Variants in TIAM1 observed in about 807,000 individuals in gnomAD.
TIAM1 encodes rho guanine nucleotide exchange factor TIAM1.
TIAM1 carries 65 observed loss-of-function variants against 163.5 expected under a neutral mutation model. The ratio of observed to expected loss-of-function variants is 0.40; its 90% CI spans 0.33 to 0.49. The LOEUF (loss-of-function observed/expected upper bound fraction) is 0.49. TIAM1 is among the 20% of genes least tolerant of loss of function. The pLI, the probability that TIAM1 is intolerant of heterozygous loss-of-function variation, is 0.77. For synonymous variants in TIAM1, 833 were observed against 810.1 expected, an observed-to-expected ratio of 1.03 and a Z score of -0.48; for missense variants, 1,789 against 2,044.7, an observed-to-expected ratio of 0.87 and a Z score of 2.41.
At chr21:31,255,134 C>A (rs2072024919) in intron 4 of TIAM1, among the ~76,000 whole-genome samples, 1 of 152,190 alleles carries the variant, frequency 6.6e-6, no homozygotes, top group South Asian at 2.1e-4. Context: ...AGTGATTACT[C>A]CAGGTAAAAG....
intron 1 of TIAM1, among the ~76,000 whole-genome samples, chr21:31,342,951 A>G (rs1193192501): frequency 2.6e-5 from 4 of 152,196 alleles, no homozygotes; most frequent in East Asian, 3.8e-4. Flanking sequence ...GAGTCTGCCA[A>G]TTCCGCTTCG....
intron 16 of TIAM1, among the ~76,000 whole-genome samples, chr21:31,155,728 T>TCTC (rs1441923204): frequency 7.2e-5 from 11 of 152,168 alleles, no homozygotes; most frequent in South Asian, 2.1e-4. Flanking sequence ...ATGGTCTCAA[T>TCTC]CTGACCTTGT....
intron 2 of TIAM1, among the ~76,000 whole-genome samples, chr21:31,398,069 C>A (rs2077102646): frequency 6.6e-6 from 1 of 151,414 alleles, no homozygotes; most frequent in South Asian, 2.1e-4. Flanking sequence ...CCCCTACAAC[C>A]TCCCCCAACC....
chr21:31,194,088 G>C (rs1363927997), intron 13 of TIAM1, among the ~76,000 whole-genome samples: 2 of 151,922 alleles, frequency 1.3e-5, no homozygotes, highest in African/African-American at 2.4e-5. Flanking sequence ...AGACCCACTC[G>C]GGCACCCCTC....
At chr21:31,293,145 G>A (rs1264175936) in intron 2 of TIAM1, among the ~76,000 whole-genome samples, 5 of 152,042 alleles carry the variant, frequency 3.3e-5, no homozygotes, top group Non-Finnish European at 7.3e-5. Flanking sequence ...TAAAGAATTG[G>A]CTCATGCATT....
rs75483199 is a variant in TIAM1, at chr21:31,154,350, T to A, written c.3068A>T (p.Asp1023Val). Residue 1023 changes from aspartate (D) to valine (V), a missense_variant, in exon 17 of 28, where the codon GAC (aspartate) becomes GTC (valine). Physicochemically the swap from Asp to Val is radical, Grantham distance 152 (BLOSUM62 -3). Transcript: ENST00000541036. ...GGTCGCCAGCTGAGGCCCCGTGGAG[T>A]CCTGAGGAGATGGGCTCTGGTCAGA... ...NPSDQSPSPQ[D>V]STGPQLATMR... The A allele has an allele frequency of 0.019, 30,875 of 1,613,688 alleles. 390 individuals are homozygous for A. Among genetic ancestry groups the A allele is most frequent in the Non-Finnish European group, 0.022 (26,381 of 1,179,932 alleles).
rs1488012138 is a variant in TIAM1 at position 31,251,920 on chromosome 21, C to T, written c.1233G>A (p.Glu411=). 2 of 1,613,836 alleles carry T rather than the reference C, an allele frequency of 1.2e-6. No individual in the cohort carries two copies. The highest frequency in any genetic ancestry group is 1.7e-6 in the Non-Finnish European group (2 of 1,179,914). The change falls in exon 5 of 28, where the codon GAG becomes GAA. Residue 411 remains glutamate, a synonymous_variant. Transcript: ENST00000541036. ...LEEAGSAHSD[E]QSSGTLSSPG... Reference sequence around the variant, plus strand: ...GAGAGCTCAGGGTGCCGCTGCTCTGCTCATCGCTGTGCGCCGAGCCGGCCT... The same window carrying T: ...GAGAGCTCAGGGTGCCGCTGCTCTGTTCATCGCTGTGCGCCGAGCCGGCCT...
chr21:31,494,791 C>T (rs942395458), intron 1 of TIAM1, among the ~76,000 whole-genome samples: 3 of 152,172 alleles, frequency 2.0e-5, no homozygotes, highest in African/African-American at 4.8e-5. Flanking sequence ...TGCAATAAGC[C>T]GAGATCGCAC....
chr21:31,172,884 A>G (rs2084583609), intron 15 of TIAM1, among the ~76,000 whole-genome samples: 2 of 152,190 alleles, frequency 1.3e-5, no homozygotes, highest in Admixed American at 1.3e-4. Flanking sequence ...AAGTAAGAAA[A>G]AAAAAAACTG....
chr21:31,507,179 ATTTTTTTTTTTTTTTTTTTTTTTT>A (rs572356384), intron 1 of TIAM1, among the ~76,000 whole-genome samples: 9 of 44,538 alleles, frequency 2.0e-4, no homozygotes, highest in African/African-American at 4.9e-4. Context: ...CACCTTTTTA[ATTTTTTTTTTTTTTTTTTTTTTTT>A]TTTTTTTTTT....
chr21:31,462,466 G>A (rs2045362051), intron 2 of TIAM1, among the ~76,000 whole-genome samples: 1 of 152,182 alleles, frequency 6.6e-6, no homozygotes. Flanking sequence ...GAGTATTCTT[G>A]TAAGACAAAA....
chr21:31,455,390 A>G (rs1602322088), intron 2 of TIAM1, among the ~76,000 whole-genome samples: 2 of 151,302 alleles, frequency 1.3e-5, no homozygotes, highest in East Asian at 1.9e-4. Context: ...GAGTGGCAAT[A>G]TGAGTATCAA....
chr21:31,473,637 T>C (rs1466537197), intron 1 of TIAM1, among the ~76,000 whole-genome samples: 1 of 151,716 alleles, frequency 6.6e-6, no homozygotes, highest in Non-Finnish European at 1.5e-5. Flanking sequence ...AATAAACCTT[T>C]AGCAGGGGCA....
At chr21:31,318,231 G>A (rs1265345804) in intron 2 of TIAM1, among the ~76,000 whole-genome samples, 7 of 152,180 alleles carry the variant, frequency 4.6e-5, no homozygotes, top group African/African-American at 1.7e-4. Flanking sequence ...CTGAGTAGCT[G>A]GGACCACAGG....
intron 11 of TIAM1, 114 bp from the exon 12 acceptor site, chr21:31,203,126 G>T (rs1444292403): frequency 3.3e-6 from 3 of 903,606 alleles, no homozygotes; most frequent in Non-Finnish European, 5.1e-6. Flanking sequence ...TGTTGTTGTT[G>T]TTGTTGTTGT....
intron 11 of TIAM1, among the ~76,000 whole-genome samples, chr21:31,208,085 G>T (rs1049146680): frequency 2.0e-5 from 3 of 152,134 alleles, no homozygotes; most frequent in Admixed American, 1.3e-4. Flanking sequence ...AGGGGATCAG[G>T]TCCACTACAT....
rs182486114 is a variant in TIAM1, at chr21:31,520,001, T to C, written c.-422+38926A>G. 1.7e-3 allele frequency among the ~76,000 whole-genome samples: 265 copies of C among 152,270 alleles called. 1 individual carries two copies. The highest frequency in any genetic ancestry group is 5.9e-3 in the African/African-American group (246 of 41,556). On this transcript the variant is annotated intron_variant, in intron 1 of 28. Coordinates refer to the TIAM1 transcript ENST00000286827. ...CTGCTGGTGAGGCAACGTTACATTG[T>C]AAATGTACTTAAAGCCACTGAACTT...
chr21:31,347,118 C>T (rs913960454), upstream of TIAM1, among the ~76,000 whole-genome samples: 8 of 152,174 alleles, frequency 5.3e-5, no homozygotes, highest in Admixed American at 1.3e-4. Context: ...ATCTCTCAGG[C>T]CTAAAAATAA....
At chr21:31,399,733 A>C (rs2077132827) in intron 2 of TIAM1, among the ~76,000 whole-genome samples, 1 of 152,192 alleles carries the variant, frequency 6.6e-6, no homozygotes, top group Non-Finnish European at 1.5e-5. Context: ...ACCCATTAAG[A>C]TTTTTGACTT....
Sources: gnomAD v4.1 joint callset for allele counts (sites outside exome capture counted in the v4.1 genomes callset) on GRCh38, gnomAD v4.1.1 for gene constraint, MANE v1.5 for transcripts, NCBI Gene and HGNC (gene_info 2026-07-23, HGNC 2026-07-21) for gene names.